TBC1D32: variants seen among roughly 807,000 people sequenced by gnomAD.
TBC1D32 encodes the protein TBC1 domain family member 32.
A neutral mutation model predicts 170.3 loss-of-function variants in TBC1D32; 151 were observed. That is an observed-to-expected ratio of 0.89 (90% CI 0.78 to 1.01). TBC1D32 has a LOEUF of 1.01. TBC1D32 is among the 50% of genes least tolerant of loss of function. The probability of loss-of-function intolerance (pLI) is 0.00; values close to 1 mark genes in which losing one functional copy is unlikely to be tolerated. For synonymous variants in TBC1D32, 498 were observed against 488.0 expected, an observed-to-expected ratio of 1.02 and a Z score of -0.27; for missense variants, 1,464 against 1,457.1, an observed-to-expected ratio of 1.00 and a Z score of -0.08.
At chr6:121,085,383 A>G (rs1345288683) in intron 31 of TBC1D32, among the ~76,000 whole-genome samples, 1 of 147,658 alleles carries the variant, frequency 6.8e-6, no homozygotes, top group Non-Finnish European at 1.5e-5. Flanking sequence ...GTATATATAT[A>G]TATATATTCT....
chr6:121,183,000 CAG>C (rs1788732246), intron 22 of TBC1D32, among the ~76,000 whole-genome samples: 3 of 150,648 alleles, frequency 2.0e-5, no homozygotes, highest in Admixed American at 1.3e-4. Flanking sequence ...AGTATATTAA[CAG>C]GGAAATTTCA....
chr6:121,192,050 C>CTCT (rs1456772608), intron 22 of TBC1D32, among the ~76,000 whole-genome samples: 2,876 of 42,556 alleles, frequency 0.068, 95 homozygotes, highest in South Asian at 0.23. Flanking sequence ...TAAGTTAATA[C>CTCT]TTAATAAACT....
chr6:121,245,308 G>T (rs1425851696), intron 17 of TBC1D32, among the ~76,000 whole-genome samples: 1 of 152,202 alleles, frequency 6.6e-6, no homozygotes. Flanking sequence ...CACAGCACCA[G>T]CCTGGAGCCT....
intron 30 of TBC1D32, among the ~76,000 whole-genome samples, chr6:121,103,792 T>C (rs989451968): frequency 4.6e-5 from 7 of 151,950 alleles, no homozygotes; most frequent in Admixed American, 3.3e-4. Flanking sequence ...ACAATACACA[T>C]TACACTAACG....
At chr6:121,250,342 A>G (rs1338267963) in intron 17 of TBC1D32, among the ~76,000 whole-genome samples, 3 of 152,138 alleles carry the variant, frequency 2.0e-5, no homozygotes, top group Non-Finnish European at 4.4e-5. Flanking sequence ...CCTCAATAAA[A>G]TACTGACAAA....
At chr6:121,308,400 C>A (rs1807647150) in intron 4 of TBC1D32, among the ~76,000 whole-genome samples, 1 of 151,906 alleles carries the variant, frequency 6.6e-6, no homozygotes, top group South Asian at 2.1e-4. Context: ...GAATCAGAAT[C>A]ACCAATGCAA....
intron 25 of TBC1D32, among the ~76,000 whole-genome samples, chr6:121,130,636 TCTTTTGTCTTACTATCC>T (rs1781346267): frequency 6.6e-6 from 1 of 152,150 alleles, no homozygotes. Flanking sequence ...CTGATACTTC[TCTTTTGTCTTACTATCC>T]CTGTTAGAGA....
At chr6:121,179,842 T>G (rs1322213769) in intron 22 of TBC1D32, among the ~76,000 whole-genome samples, 1 of 152,098 alleles carries the variant, frequency 6.6e-6, no homozygotes, top group Non-Finnish European at 1.5e-5. Flanking sequence ...TCATGAAAAC[T>G]TGGTAAGAAA....
intron 22 of TBC1D32, among the ~76,000 whole-genome samples, chr6:121,197,633 T>C (rs189156502): frequency 6.6e-6 from 1 of 152,316 alleles, no homozygotes; most frequent in Non-Finnish European, 1.5e-5. Context: ...GGGTTCAGGA[T>C]TGAGGCGTTT....
At chr6:121,172,032 C>A (rs1372484208) in intron 22 of TBC1D32, among the ~76,000 whole-genome samples, 1 of 151,968 alleles carries the variant, frequency 6.6e-6, no homozygotes, top group Admixed American at 6.6e-5. Context: ...CAGCCAAAGG[C>A]AGTAAAAATA....
At chr6:121,248,076 CA>C (rs1303659988) in intron 17 of TBC1D32, among the ~76,000 whole-genome samples, 1 of 152,004 alleles carries the variant, frequency 6.6e-6, no homozygotes. Context: ...AGCCACAAAA[CA>C]AGTCTCAGCA....
intron 2 of TBC1D32, among the ~76,000 whole-genome samples, chr6:121,320,050 T>C (rs1809484476): frequency 1.3e-5 from 2 of 152,158 alleles, no homozygotes; most frequent in Admixed American, 1.3e-4. Context: ...GTGTATATTA[T>C]ATAGATCCTA....
chr6:121,113,059 T>C lies in TBC1D32; in HGVS notation c.3169+3A>G. 2.5e-6 allele frequency: 4 copies of C among 1,599,678 alleles called. No individual in the cohort carries two copies. Among genetic ancestry groups the C allele is most frequent in the Non-Finnish European group, 2.6e-6 (3 of 1,172,298 alleles). The stretch of plus-strand genomic sequence containing the variant: ...CTATTGTGAATATACTCAAAAAGGA[T>C]ATGAAGAGAAGATTTTATGGAAGTT... On this transcript the variant is annotated splice_donor_region_variant and intron_variant, in intron 28 of 31. Transcript: ENST00000398212.
rs907550060 is a variant in TBC1D32 at position 121,318,887 on chromosome 6, C to A, written c.318-1215G>T. ...CTTTTCTGTATAATTCTGAATAATG[C>A]GTCATTGCAACTCTATAAATCAAAA... On this transcript the variant is annotated intron_variant, in intron 2 of 31. Coordinates refer to ENST00000398212, the MANE Select transcript of TBC1D32 (RefSeq NM_152730.6). 4.0e-5 allele frequency among the ~76,000 whole-genome samples: 6 copies of A among 150,806 alleles called. 1 individual carries two copies. The highest frequency in any genetic ancestry group is 3.3e-4 in the Admixed American group (5 of 15,118).
At chr6:121,296,461 A>T (rs1340143317) in intron 10 of TBC1D32, among the ~76,000 whole-genome samples, 3 of 152,078 alleles carry the variant, frequency 2.0e-5, no homozygotes, top group Non-Finnish European at 4.4e-5. Flanking sequence ...AAACCTACCA[A>T]ATCTAAAAAT....
At chr6:121,295,144 T>A (rs1805423813) in intron 10 of TBC1D32, among the ~76,000 whole-genome samples, 3 of 151,860 alleles carry the variant, frequency 2.0e-5, no homozygotes. Context: ...CAATAAAAAA[T>A]GATCTCCAAC....
At chr6:121,264,871 T>A (rs1237232114) in intron 15 of TBC1D32, among the ~76,000 whole-genome samples, 1 of 152,200 alleles carries the variant, frequency 6.6e-6, no homozygotes, top group Non-Finnish European at 1.5e-5. Context: ...CATCCCTTCA[T>A]GCTAAAAACT....
At position 121,131,695 on chromosome 6, in the gene TBC1D32, C is replaced by A. The variant is rs772880893; in HGVS notation, c.2831G>T (p.Trp944Leu). ...CLKISDKQTE[W>L]IENCQRQFCK... ...AAATTGTCTTTGGCAGTTTTCTATC[C>A]ATTCAGTTTGTTTATCAGATATTTT... The change falls in exon 25 of 32, where the codon TGG becomes TTG. Residue 944 changes from tryptophan (W) to leucine (L), a missense_variant. By Grantham distance (61) the Trp-to-Leu change is moderately conservative. Around this residue, in one of 3 missense-constraint regions of TBC1D32, gnomAD observed 1,363 missense variants for 1,338.1 expected, o/e 1.02. Coordinates refer to ENST00000398212, the MANE Select transcript of TBC1D32 (RefSeq NM_152730.6). The A allele has an allele frequency of 6.2e-7, 1 of 1,610,222 alleles. No individual in the cohort carries two copies. The highest frequency in any genetic ancestry group is 1.1e-5 in the South Asian group (1 of 90,888).
chr6:121,230,631 T>C (rs1409159124), intron 20 of TBC1D32, among the ~76,000 whole-genome samples: 1 of 120,252 alleles, frequency 8.3e-6, no homozygotes, highest in Non-Finnish European at 1.8e-5. Context: ...TGAAATCTGA[T>C]ATGTATATAT....
Sources: allele counts gnomAD v4.1 joint callset (sites outside exome capture counted in the v4.1 genomes callset), GRCh38; gene constraint gnomAD v4.1.1; regional missense constraint gnomAD v4.1.1; transcripts MANE v1.5; gene names NCBI Gene and HGNC (gene_info 2026-07-23, HGNC 2026-07-21).